RIMS2: variants seen among roughly 807,000 people sequenced by gnomAD.
The protein encoded by RIMS2 is regulating synaptic membrane exocytosis protein 2.
In RIMS2, 59 loss-of-function variants were observed where a neutral mutation model predicts 174.4. The observed-to-expected ratio is 0.34, with a 90% CI of 0.27 to 0.42. The LOEUF is 0.42. RIMS2 is among the 10% of genes least tolerant of loss of function. The probability of loss-of-function intolerance (pLI) is 1.00; values close to 1 mark genes in which losing one functional copy is unlikely to be tolerated. For missense variants in RIMS2, 1,620 were observed against 1,666.3 expected (o/e 0.97, Z 0.48); for synonymous variants, 606 against 572.5 (o/e 1.06, Z -0.84).
intron 2 of RIMS2, 28 bp from the exon 5 acceptor site, chr8:103,716,281 A>G (rs2097367192): frequency 6.6e-6 from 1 of 151,984 alleles, no homozygotes; most frequent in African/African-American, 2.4e-5. Context: ...TGTCTTTTCT[A>G]ACTTGCTTTC....
At chr8:103,831,222 T>C (rs2098823808) in intron 3 of RIMS2, among the ~76,000 whole-genome samples, 1 of 152,224 alleles carries the variant, frequency 6.6e-6, no homozygotes, top group African/African-American at 2.4e-5. Context: ...TTTGTACTTG[T>C]TCTGTGTTTA....
intron 1 of RIMS2, among the ~76,000 whole-genome samples, chr8:103,507,960 T>C (rs1824498835): frequency 6.6e-6 from 1 of 152,126 alleles, no homozygotes; most frequent in African/African-American, 2.4e-5. Flanking sequence ...GAAAAAATAC[T>C]GTAAAGGTGT....
In RIMS2 at chr8:103,732,656, C is replaced by G. The variant is rs191155157; in HGVS notation, c.388-33571C>G. On this transcript the variant is annotated intron_variant, in intron 2 of 23. Coordinates refer to ENST00000504942, the Ensembl canonical transcript of RIMS2. ...TACTGCAGCTGAGCTTGTACCCAAGCTGAAAGACAAAATGTTTCCCACTCT... is the reference window on the plus strand; with the variant it reads ...TACTGCAGCTGAGCTTGTACCCAAGGTGAAAGACAAAATGTTTCCCACTCT... Among the ~76,000 whole-genome samples, 14 of 152,268 alleles carry G rather than the reference C, an allele frequency of 9.2e-5. 1 individual carries two copies. The East Asian group carries it at 2.3e-3, about 25-fold the overall frequency.
intron 19 of RIMS2, among the ~76,000 whole-genome samples, chr8:104,029,842 T>A (rs35870907): frequency 1.3e-5 from 2 of 152,034 alleles, no homozygotes; most frequent in South Asian, 2.1e-4. Flanking sequence ...TCTGTAACAC[T>A]TGTAAAATCT....
chr8:103,826,550 T>C (rs1391659856), intron 3 of RIMS2, among the ~76,000 whole-genome samples: 2 of 151,950 alleles, frequency 1.3e-5, no homozygotes, highest in Non-Finnish European at 2.9e-5. Context: ...TGTATAAGCA[T>C]GGTTCTATTT....
intron 3 of RIMS2, among the ~76,000 whole-genome samples, chr8:103,799,237 G>T (rs1335439666): frequency 5.9e-5 from 9 of 152,168 alleles, no homozygotes; most frequent in African/African-American, 2.2e-4. Flanking sequence ...CAGACTTTCT[G>T]ACCTACATAA....
intron 19 of RIMS2, among the ~76,000 whole-genome samples, chr8:104,100,658 A>G (rs897126347): frequency 1.3e-5 from 2 of 151,408 alleles, no homozygotes; most frequent in African/African-American, 4.8e-5. Context: ...AGATTTTATT[A>G]TTATCTCTCT....
chr8:103,569,874 C>A (rs1433212558), intron 1 of RIMS2, among the ~76,000 whole-genome samples: 1 of 151,476 alleles, frequency 6.6e-6, no homozygotes, highest in Non-Finnish European at 1.5e-5. Context: ...CTCAAGCAGT[C>A]CTACTGCCTC....
chr8:104,053,372 G>A (rs908423730), intron 19 of RIMS2, among the ~76,000 whole-genome samples: 27 of 152,116 alleles, frequency 1.8e-4, no homozygotes, highest in Admixed American at 2.0e-4. Context: ...AGCTGCAATA[G>A]GTCCCACTTA....
intron 3 of RIMS2, among the ~76,000 whole-genome samples, chr8:103,871,359 A>T (rs2154513410): frequency 6.6e-6 from 1 of 152,310 alleles, no homozygotes; most frequent in East Asian, 1.9e-4. Flanking sequence ...GCACCACTGC[A>T]CTCCAGCCTG....
At chr8:103,586,708 C>T (rs558129554) in intron 1 of RIMS2, among the ~76,000 whole-genome samples, 80 of 151,686 alleles carry the variant, frequency 5.3e-4, no homozygotes, top group Middle Eastern at 6.8e-3. Flanking sequence ...CACACTGAAC[C>T]CAAAATTTGT....
At chr8:103,536,837 A>G (rs969545208) in intron 1 of RIMS2, among the ~76,000 whole-genome samples, 1 of 152,226 alleles carries the variant, frequency 6.6e-6, no homozygotes, top group South Asian at 2.1e-4. Flanking sequence ...AGGTTGGGAC[A>G]TAGATCCAAA....
intron 1 of RIMS2, among the ~76,000 whole-genome samples, chr8:103,527,565 G>A (rs1210215592): frequency 2.0e-5 from 3 of 151,158 alleles, no homozygotes; most frequent in Non-Finnish European, 4.4e-5. Context: ...AACAGGCCCT[G>A]GTGTGTGATG....
chr8:103,546,220 A>G (rs7002012), intron 1 of RIMS2, among the ~76,000 whole-genome samples: 1,805 of 152,354 alleles, frequency 0.012, 42 homozygotes, highest in African/African-American at 0.041. Flanking sequence ...AGAAAAAAAC[A>G]GGAGTTGCTA....
intron 17 of RIMS2, among the ~76,000 whole-genome samples, chr8:104,002,372 T>C (rs2095423489): frequency 6.6e-6 from 1 of 152,150 alleles, no homozygotes; most frequent in African/African-American, 2.4e-5. Flanking sequence ...GTTCTTCTTT[T>C]ACCTATTTAA....
intron 3 of RIMS2, among the ~76,000 whole-genome samples, chr8:103,839,620 C>T (rs2098927811): frequency 6.6e-6 from 1 of 152,104 alleles, no homozygotes; most frequent in African/African-American, 2.4e-5. Context: ...TGAAATTTTT[C>T]TTCAACTTTC....
Position 104,236,338 on chromosome 8 carries a change from A to G in RIMS2, c.3335-8578A>G, listed in dbSNP as rs529465839. ...TTCTGGAGTAATACTTTGGTACCAC[A>G]TGAATATTCTGTTCTCTAAAAATTA... is the stretch of plus-strand genomic sequence containing the variant. On this transcript the variant is annotated intron_variant, in intron 19 of 23. Transcript: ENST00000504942. Among the ~76,000 whole-genome samples, 23 of 152,164 alleles carry G rather than the reference A, an allele frequency of 1.5e-4. 1 individual carries two copies. In the South Asian group the frequency reaches 2.3e-3, roughly 15 times the overall value.
chr8:103,834,918 G>A (rs572623275), intron 3 of RIMS2, among the ~76,000 whole-genome samples: 1 of 151,270 alleles, frequency 6.6e-6, no homozygotes, highest in Non-Finnish European at 1.5e-5. Flanking sequence ...CTACAGGCAT[G>A]CGCCATCCTG....
intron 19 of RIMS2, among the ~76,000 whole-genome samples, chr8:104,136,135 G>T (rs1002437130): frequency 1.3e-5 from 2 of 152,126 alleles, no homozygotes; most frequent in African/African-American, 4.8e-5. Context: ...CATGTACTTT[G>T]TTCAACACTT....
Sources: gnomAD v4.1 joint callset for allele counts (sites outside exome capture counted in the v4.1 genomes callset) on GRCh38, gnomAD v4.1.1 for gene constraint, MANE v1.5 for transcripts, NCBI Gene and HGNC (gene_info 2026-07-23, HGNC 2026-07-21) for gene names.